MYT1L: variants seen among roughly 807,000 people sequenced by gnomAD.
The protein encoded by MYT1L is myelin transcription factor 1 like.
A neutral mutation model predicts 126.7 loss-of-function variants in MYT1L; 12 were observed. That is an observed-to-expected ratio of 0.09 (90% CI 0.06 to 0.15). MYT1L has a LOEUF of 0.15. Ranked by LOEUF, MYT1L falls within the 10% of genes least tolerant of loss-of-function variation. MYT1L has a pLI of 1.00. For missense variants in MYT1L, 979 were observed against 1,585.2 expected (o/e 0.62, Z 6.49); for synonymous variants, 541 against 604.2 (o/e 0.90, Z 1.53).
chr2:1,877,659 C>T lies in MYT1L; in HGVS notation c.2711+8880G>A, dbSNP rs545314409. Among the ~76,000 whole-genome samples the T allele has an allele frequency of 4.6e-5, 7 of 152,234 alleles. No homozygotes were observed. In the South Asian group the frequency reaches 8.3e-4, roughly 18 times the overall value. On this transcript the variant is annotated intron_variant, in intron 18 of 24. Coordinates refer to ENST00000647738, the MANE Select transcript of MYT1L (RefSeq NM_001303052.2). ...AGCTGAGGAATGGGACCTGGCTGCT[C>T]GCACGCCTGTGCTGGGACAGGCAGG...
In MYT1L at chr2:2,273,752, G is replaced by A. The variant is rs144460809; in HGVS notation, c.-421+10652C>T. On this transcript the variant is annotated intron_variant, in intron 2 of 24. Transcript: ENST00000647738. ...GCATGTCTGAGAGGTTACTAAGGAG[G>A]GAATTTGGGTTATAAGAAGGAAAAA... 7.8e-4 allele frequency among the ~76,000 whole-genome samples: 119 copies of A among 152,254 alleles called. 1 individual carries two copies. The Middle Eastern group carries it at 0.017, about 22-fold the overall frequency.
At chr2:1,851,849 T>C in intron 18 of MYT1L, 146 bp from the exon 19 acceptor site, 5 of 756,460 alleles carry the variant, frequency 6.6e-6, no homozygotes, top group Non-Finnish European at 1.1e-5. Flanking sequence ...AGCTCCCTCA[T>C]GGAGCTGGAA....
intron 3 of MYT1L, among the ~76,000 whole-genome samples, chr2:2,127,653 C>T (rs1017612809): frequency 2.6e-5 from 4 of 152,186 alleles, no homozygotes; most frequent in Non-Finnish European, 5.9e-5. Flanking sequence ...ATGAACCACG[C>T]AGCATGTGCA....
At chr2:1,996,220 G>A (rs1039174200) in intron 5 of MYT1L, among the ~76,000 whole-genome samples, 3 of 152,246 alleles carry the variant, frequency 2.0e-5, no homozygotes, top group African/African-American at 7.2e-5. Flanking sequence ...CACACGCAGA[G>A]AGCACACAAC....
At position 1,922,195 on chromosome 2, in the gene MYT1L, G is replaced by A; in HGVS notation, c.1483+91C>T. ...ATGTGCAGTAGAGACATAATTCAGT[G>A]TGAGTCACACTTTAACTGTAGACTA... On this transcript the variant is annotated intron_variant, in intron 10 of 24. Transcript: ENST00000647738. This position sits in a 1 kb window ranked among gnomAD's most constrained non-coding sequence, Gnocchi z 7.4. 1 of 1,489,244 alleles carries A rather than the reference G, an allele frequency of 6.7e-7. No individual in the cohort carries two copies. 92.3% of individuals were successfully genotyped at this position (1,489,244 alleles called of 1,614,324 possible).
intron 3 of MYT1L, among the ~76,000 whole-genome samples, chr2:2,159,268 G>A (rs533669035): frequency 1.6e-4 from 25 of 152,258 alleles, no homozygotes; most frequent in South Asian, 8.3e-4. Context: ...CATGGGAATC[G>A]CTAACTTGGA....
At chr2:1,864,560 C>T (rs946608375) in intron 18 of MYT1L, among the ~76,000 whole-genome samples, 8 of 152,264 alleles carry the variant, frequency 5.3e-5, no homozygotes, top group Non-Finnish European at 7.4e-5. Context: ...CCCCAGTCGC[C>T]GTCCCCAGGC....
At chr2:2,241,594 C>T (rs1341394520) in intron 2 of MYT1L, among the ~76,000 whole-genome samples, 1 of 152,130 alleles carries the variant, frequency 6.6e-6, no homozygotes, top group Non-Finnish European at 1.5e-5. Flanking sequence ...TACAGGAATC[C>T]AAATGCGTTT....
At chr2:1,813,213 T>G (rs1477656948) in intron 21 of MYT1L, among the ~76,000 whole-genome samples, 17 of 152,180 alleles carry the variant, frequency 1.1e-4, no homozygotes, top group Admixed American at 1.1e-3. Context: ...AAGGCACGCC[T>G]CCTCCTCCTT....
At chr2:1,858,435 AC>A (rs778910368) in intron 18 of MYT1L, among the ~76,000 whole-genome samples, 53 of 152,248 alleles carry the variant, frequency 3.5e-4, no homozygotes, top group Non-Finnish European at 6.3e-4. Flanking sequence ...ATGATAAAAA[AC>A]AATAAAAATA....
At chr2:2,236,792 TCTTCTTCTTCTTCTTCTTC>T (rs1559420799) in intron 2 of MYT1L, among the ~76,000 whole-genome samples, 3 of 17,958 alleles carry the variant, frequency 1.7e-4, no homozygotes, top group Non-Finnish European at 2.5e-4. Context: ...TTCTTCTTCT[TCTTCTTCTTCTTCTTCTTC>T]TTCTTTTTTT....
intron 4 of MYT1L, among the ~76,000 whole-genome samples, chr2:2,008,742 A>G (rs2063553546): frequency 1.3e-5 from 2 of 152,144 alleles, no homozygotes; most frequent in Admixed American, 1.3e-4. Flanking sequence ...AACATTTTAA[A>G]AAGTGTTGCT....
chr2:2,261,392 C>CTATATCATCTG (rs1234879385), intron 2 of MYT1L, among the ~76,000 whole-genome samples: 3 of 152,112 alleles, frequency 2.0e-5, no homozygotes, highest in African/African-American at 7.2e-5. Context: ...AGGAACATAA[C>CTATATCATCTG]TATATCATCT....
At chr2:1,823,656 C>T (rs146749575) in intron 21 of MYT1L, among the ~76,000 whole-genome samples, 8 of 150,286 alleles carry the variant, frequency 5.3e-5, no homozygotes, top group South Asian at 2.1e-4. Context: ...GGAGGAGCAG[C>T]GATGAGGCTG....
At chr2:2,272,799 G>A (rs889632018) in intron 2 of MYT1L, among the ~76,000 whole-genome samples, 3 of 152,216 alleles carry the variant, frequency 2.0e-5, no homozygotes, top group South Asian at 2.1e-4. Context: ...TTGGCTGCTC[G>A]GAGGAACTCT....
chr2:1,866,809 G>A (rs1250884874), intron 18 of MYT1L, among the ~76,000 whole-genome samples: 3 of 77,792 alleles, frequency 3.9e-5, no homozygotes, highest in Non-Finnish European at 8.6e-5. Flanking sequence ...GGCAGAGAAG[G>A]GGGGAGAGAG....
chr2:1,979,633 G>T lies in MYT1L; in HGVS notation c.56-79C>A. The T allele has an allele frequency of 3.1e-6, 5 of 1,599,116 alleles. No individual in the cohort carries two copies. The highest frequency in any genetic ancestry group is 4.3e-6 in the Non-Finnish European group (5 of 1,166,536). On this transcript the variant is annotated intron_variant, in intron 6 of 24. Coordinates refer to ENST00000647738, the MANE Select transcript of MYT1L (RefSeq NM_001303052.2). The surrounding 1 kb of genome is among the most constrained non-coding windows in gnomAD (Gnocchi z 4.0). ...TTCCACAGAAAATTACCAAAAGGGT[G>T]GCATGAAAGTGGGGTCAGAATCGAC...
At chr2:2,170,732 A>G (rs2148524237) in intron 3 of MYT1L, among the ~76,000 whole-genome samples, 1 of 152,330 alleles carries the variant, frequency 6.6e-6, no homozygotes, top group Non-Finnish European at 1.5e-5. Context: ...GATATTGACC[A>G]TCCCCTGAGA....
At chr2:2,190,775 G>T (rs552538124) in intron 2 of MYT1L, among the ~76,000 whole-genome samples, 63 of 152,132 alleles carry the variant, frequency 4.1e-4, no homozygotes, top group Non-Finnish European at 7.1e-4. Context: ...CGTATGGCAG[G>T]TTCTTATGTG....
Sources: allele counts gnomAD v4.1 joint callset (sites outside exome capture counted in the v4.1 genomes callset), GRCh38; gene constraint gnomAD v4.1.1; non-coding constraint Gnocchi (gnomAD v3.1); transcripts MANE v1.5; gene names NCBI Gene and HGNC (gene_info 2026-07-23, HGNC 2026-07-21).